The following DPYD variants were observed in gnomAD, a reference collection of about 807,000 sequenced individuals.
DPYD encodes the protein dihydropyrimidine dehydrogenase, also known as dihydropyrimidine dehydrogenase [NADP(+)].
Under a neutral mutation model 116.2 loss-of-function variants are expected in DPYD, and 109 were observed. The ratio of observed to expected loss-of-function variants is 0.94; its 90% CI spans 0.80 to 1.10. The LOEUF (loss-of-function observed/expected upper bound fraction) is 1.10, where lower values mean the gene tolerates loss of function less well. DPYD is among the 50% of genes least tolerant of loss of function. The probability of loss-of-function intolerance (pLI) is 0.00; values close to 1 mark genes in which losing one functional copy is unlikely to be tolerated. For missense variants in DPYD, 1,302 were observed against 1,254.5 expected (o/e 1.04, Z -0.57); for synonymous variants, 440 against 432.0 (o/e 1.02, Z -0.23).
chr1:97,561,781 C>T (rs1165398496), intron 11 of DPYD, among the ~76,000 whole-genome samples: 1 of 152,172 alleles, frequency 6.6e-6, no homozygotes, highest in Non-Finnish European at 1.5e-5. Flanking sequence ...CCCATGTATT[C>T]ATCCAGCCTG....
At chr1:97,286,807 A>G (rs1052065342) in intron 18 of DPYD, among the ~76,000 whole-genome samples, 1 of 152,132 alleles carries the variant, frequency 6.6e-6, no homozygotes, top group Admixed American at 6.5e-5. Flanking sequence ...TGGTTATTCT[A>G]GTTATACATT....
intron 12 of DPYD, among the ~76,000 whole-genome samples, chr1:97,534,273 A>C (rs1231056663): frequency 6.6e-6 from 1 of 152,172 alleles, no homozygotes; most frequent in Non-Finnish European, 1.5e-5. Flanking sequence ...GAAGTGATCT[A>C]AAATGAAATA....
At chr1:97,641,351 A>G (rs995870794) in intron 8 of DPYD, among the ~76,000 whole-genome samples, 1 of 152,146 alleles carries the variant, frequency 6.6e-6, no homozygotes, top group East Asian at 1.9e-4. Context: ...GGGGATGGAG[A>G]TAGAAGAAAC....
chr1:97,290,190 G>T (rs536884171), intron 18 of DPYD, among the ~76,000 whole-genome samples: 2 of 152,100 alleles, frequency 1.3e-5, no homozygotes, highest in Admixed American at 1.3e-4. Flanking sequence ...AAATTAAAGA[G>T]GATACAAGTG....
chr1:97,367,208 G>C (rs143454920), intron 16 of DPYD, among the ~76,000 whole-genome samples: 1 of 151,898 alleles, frequency 6.6e-6, no homozygotes, highest in African/African-American at 2.4e-5. Context: ...AAGGGTAAGA[G>C]TAATAATCTG....
intron 18 of DPYD, among the ~76,000 whole-genome samples, chr1:97,274,255 G>C (rs1386238383): frequency 6.6e-6 from 1 of 152,130 alleles, no homozygotes; most frequent in Admixed American, 6.5e-5. Context: ...GGGCCCAGTG[G>C]GTTATATTTG....
At chr1:97,164,082 C>T (rs1332401124) in intron 20 of DPYD, among the ~76,000 whole-genome samples, 6 of 152,098 alleles carry the variant, frequency 3.9e-5, no homozygotes, top group Non-Finnish European at 8.8e-5. Flanking sequence ...TTCACCATGA[C>T]CAAGTAGGCT....
At chr1:97,557,274 A>G (rs964517196) in intron 11 of DPYD, among the ~76,000 whole-genome samples, 1 of 147,904 alleles carries the variant, frequency 6.8e-6, no homozygotes, top group Non-Finnish European at 1.5e-5. Context: ...TCAGATGAGT[A>G]GGTTGCGAAA....
At chr1:97,306,436 C>T in intron 16 of DPYD, 139 bp from the exon 17 acceptor site, 2 of 1,155,212 alleles carry the variant, frequency 1.7e-6, no homozygotes, top group Non-Finnish European at 1.3e-6. Flanking sequence ...TCTCAAATTC[C>T]TCCTCAGTAT....
intron 14 of DPYD, among the ~76,000 whole-genome samples, chr1:97,400,919 T>C (rs2101635067): frequency 6.6e-6 from 1 of 152,248 alleles, no homozygotes. Flanking sequence ...CAAATCATTT[T>C]GCATTCCCAC....
intron 8 of DPYD, among the ~76,000 whole-genome samples, chr1:97,632,054 T>A (rs1657293205): frequency 6.6e-6 from 1 of 151,996 alleles, no homozygotes; most frequent in South Asian, 2.1e-4. Flanking sequence ...ACAGTAAAAA[T>A]TACTAATATA....
At chr1:97,545,315 T>C (rs1650756283) in intron 12 of DPYD, among the ~76,000 whole-genome samples, 1 of 152,180 alleles carries the variant, frequency 6.6e-6, no homozygotes, top group Non-Finnish European at 1.5e-5. Context: ...TATAAATAAA[T>C]GTCAGTTTCC....
chr1:97,133,955 C>T (rs1488365644), intron 20 of DPYD, among the ~76,000 whole-genome samples: 5 of 140,638 alleles, frequency 3.6e-5, no homozygotes, highest in African/African-American at 8.1e-5. Flanking sequence ...GCTGAGATCA[C>T]GCCACTGTAC....
chr1:97,735,252 T>C (rs1182406227), intron 4 of DPYD, among the ~76,000 whole-genome samples: 3 of 151,876 alleles, frequency 2.0e-5, no homozygotes, highest in African/African-American at 7.3e-5. Flanking sequence ...ATAATAAAAA[T>C]TCAATGAACA....
At chr1:97,582,232 T>C (rs1299875315) in intron 10 of DPYD, among the ~76,000 whole-genome samples, 1 of 152,234 alleles carries the variant, frequency 6.6e-6, no homozygotes, top group Non-Finnish European at 1.5e-5. Flanking sequence ...GACCACATGT[T>C]AATCTGGTTT....
intron 11 of DPYD, among the ~76,000 whole-genome samples, chr1:97,565,508 A>G (rs1557802776): frequency 6.6e-6 from 1 of 152,130 alleles, no homozygotes; most frequent in Admixed American, 6.6e-5. Context: ...ACCCTTATGT[A>G]ACCACACACC....
intron 3 of DPYD, among the ~76,000 whole-genome samples, chr1:97,821,890 C>G (rs1367971894): frequency 6.6e-6 from 1 of 151,980 alleles, no homozygotes; most frequent in Non-Finnish European, 1.5e-5. Context: ...CCTAGTTCCT[C>G]ATATAAATCC....
chr1:97,521,884 C>T (rs548418817), intron 12 of DPYD, among the ~76,000 whole-genome samples: 2 of 152,160 alleles, frequency 1.3e-5, no homozygotes, highest in Non-Finnish European at 2.9e-5. Flanking sequence ...GGACCCCTTC[C>T]TTACACCTTA....
Position 97,091,996 on chromosome 1 carries a change from T to C in DPYD, c.2766+6493A>G, listed in dbSNP as rs557163923. 2.0e-5 allele frequency among the ~76,000 whole-genome samples: 3 copies of C among 152,310 alleles called. No individual in the cohort carries two copies. In the South Asian group the frequency reaches 6.2e-4, roughly 32 times the overall value. On this transcript the variant is annotated intron_variant, in intron 21 of 22. Transcript: ENST00000370192. ...CTTTCTGTTCATTCTGAATGCAGTGTTCTTCCCCTGGATACCCACATCATT... is the reference window on the plus strand; with the variant it reads ...CTTTCTGTTCATTCTGAATGCAGTGCTCTTCCCCTGGATACCCACATCATT...
Sources: allele counts gnomAD v4.1 joint callset (sites outside exome capture counted in the v4.1 genomes callset), GRCh38; gene constraint gnomAD v4.1.1; transcripts MANE v1.5; gene names NCBI Gene and HGNC (gene_info 2026-07-23, HGNC 2026-07-21).